Variants in PTPRN2 observed in about 807,000 individuals in gnomAD.
The protein encoded by PTPRN2 is protein tyrosine phosphatase receptor type N2, also known as receptor-type tyrosine-protein phosphatase N2.
PTPRN2 carries 74 observed loss-of-function variants against 118.8 expected under a neutral mutation model. That is an observed-to-expected ratio of 0.62 (90% confidence interval 0.52 to 0.76). The LOEUF (loss-of-function observed/expected upper bound fraction) is 0.76, where lower values mean the gene tolerates loss of function less well. Ranked by LOEUF, PTPRN2 falls within the 30% of genes least tolerant of loss-of-function variation. The probability of loss-of-function intolerance (pLI) is 0.00; values close to 1 mark genes in which losing one functional copy is unlikely to be tolerated. For missense variants in PTPRN2, 1,481 were observed against 1,394.4 expected (o/e 1.06, Z -0.99); for synonymous variants, 641 against 608.0 (o/e 1.05, Z -0.80).
intron 14 of PTPRN2, among the ~76,000 whole-genome samples, chr7:157,633,464 G>A (rs1804093572): frequency 6.6e-6 from 1 of 152,232 alleles, no homozygotes; most frequent in South Asian, 2.1e-4. Flanking sequence ...TTTAGCTGGA[G>A]GGCAGACCAT....
chr7:157,890,033 AATG>A (rs1240864199), intron 12 of PTPRN2, among the ~76,000 whole-genome samples: 1 of 152,136 alleles, frequency 6.6e-6, no homozygotes, highest in African/African-American at 2.4e-5. Flanking sequence ...TTTGATTGTT[AATG>A]ATGAGTTACC....
At chr7:158,136,828 C>T (rs1370258600) in intron 7 of PTPRN2, 133 bp from the exon 8 acceptor site, 7 of 803,474 alleles carry the variant, frequency 8.7e-6, no homozygotes, top group Non-Finnish European at 1.5e-5. Flanking sequence ...CTAAGTCCTG[C>T]CATAGAGTAA....
intron 12 of PTPRN2, among the ~76,000 whole-genome samples, chr7:157,796,845 G>C (rs34085833): frequency 7.2e-5 from 11 of 152,000 alleles, no homozygotes; most frequent in Admixed American, 4.6e-4. Flanking sequence ...AGCAAGGAGA[G>C]GGTGGTGCAA....
intron 12 of PTPRN2, among the ~76,000 whole-genome samples, chr7:157,765,824 A>C (rs1435101362): frequency 7.4e-6 from 1 of 134,260 alleles, no homozygotes; most frequent in Non-Finnish European, 1.6e-5. Context: ...TCCATCATCC[A>C]TTCTTCCTCC....
intron 17 of PTPRN2, among the ~76,000 whole-genome samples, chr7:157,584,083 T>C (rs1021995850): frequency 1.3e-5 from 2 of 152,084 alleles, no homozygotes; most frequent in African/African-American, 4.8e-5. Context: ...GGAGGATCAT[T>C]TGAGCCCAGG....
chr7:158,269,846 G>A (rs531293646), intron 3 of PTPRN2, among the ~76,000 whole-genome samples: 25 of 150,936 alleles, frequency 1.7e-4, no homozygotes, highest in Admixed American at 6.6e-4. Context: ...ATAGGGAGTC[G>A]GAGACACAGA....
intron 5 of PTPRN2, among the ~76,000 whole-genome samples, chr7:158,181,533 T>C (rs1340427268): frequency 6.6e-6 from 1 of 152,188 alleles, no homozygotes; most frequent in African/African-American, 2.4e-5. Flanking sequence ...TTTGAGTGTC[T>C]GGTATAATTC....
intron 12 of PTPRN2, among the ~76,000 whole-genome samples, chr7:157,774,988 T>C (rs999429646): frequency 1.3e-5 from 2 of 152,162 alleles, no homozygotes; most frequent in African/African-American, 4.8e-5. Context: ...AGTGACACAA[T>C]GAAAGCAAAG....
At chr7:158,519,455 G>A (rs181742377) in intron 1 of PTPRN2, among the ~76,000 whole-genome samples, 1 of 152,300 alleles carries the variant, frequency 6.6e-6, no homozygotes, top group East Asian at 1.9e-4. Context: ...TTCCCTGCCC[G>A]ATCTGCAGGT....
intron 11 of PTPRN2, among the ~76,000 whole-genome samples, chr7:157,965,694 C>T (rs1801876933): frequency 6.6e-6 from 1 of 152,188 alleles, no homozygotes; most frequent in Non-Finnish European, 1.5e-5. Flanking sequence ...CATCTTCTTT[C>T]TTCTCTTTCC....
intron 12 of PTPRN2, among the ~76,000 whole-genome samples, chr7:157,844,515 G>A (rs184203518): frequency 6.6e-6 from 1 of 152,206 alleles, no homozygotes; most frequent in Non-Finnish European, 1.5e-5. Context: ...CCAGGTGAGG[G>A]CCAGGAGGAG....
intron 2 of PTPRN2, among the ~76,000 whole-genome samples, chr7:158,345,092 G>A (rs1422084854): frequency 6.6e-6 from 1 of 152,190 alleles, no homozygotes; most frequent in Non-Finnish European, 1.5e-5. Flanking sequence ...ATCTCTGAGG[G>A]TGGACCCTGC....
At chr7:158,314,603 G>A (rs1563123692) in intron 3 of PTPRN2, among the ~76,000 whole-genome samples, 1 of 152,266 alleles carries the variant, frequency 6.6e-6, no homozygotes, top group Non-Finnish European at 1.5e-5. Context: ...GTGGGGAAAG[G>A]GCTCAGGAGT....
chr7:158,273,501 G>GGGAGCCGCAGACAGACATGGGA lies in PTPRN2; in HGVS notation c.277+43296_277+43317dup, dbSNP rs1798671940. 3.0e-5 allele frequency among the ~76,000 whole-genome samples: 4 copies of GGGAGCCGCAGACAGACATGGGA among 132,242 alleles called. 1 individual carries two copies. The highest frequency in any genetic ancestry group is 1.5e-4 in the Admixed American group (2 of 13,714). The allele number at this position is 132,242 out of a possible 152,430, so 86.8% of individuals were successfully genotyped here. ...GCACAGGGGGAGCCGCAGGCACAGG[G>GGGAGCCGCAGACAGACATGGGA]GGAGCCGCAGACAGACATGGGAGGA... On this transcript the variant is annotated intron_variant, in intron 3 of 22. Coordinates refer to ENST00000389418, the MANE Select transcript of PTPRN2 (RefSeq NM_002847.5).
chr7:158,133,609 C>T, intron 9 of PTPRN2, 68 bp downstream of exon 9: 2 of 1,500,490 alleles, frequency 1.3e-6, no homozygotes, highest in South Asian at 1.3e-5. Flanking sequence ...AAGGAGGCGC[C>T]CCACCTCCAG....
intron 6 of PTPRN2, among the ~76,000 whole-genome samples, chr7:158,144,750 C>T (rs1187995734): frequency 1.3e-5 from 2 of 152,186 alleles, no homozygotes; most frequent in African/African-American, 4.8e-5. Flanking sequence ...GAAGAGGCTG[C>T]GGTCTGTGTT....
intron 3 of PTPRN2, among the ~76,000 whole-genome samples, chr7:158,313,038 G>A (rs1013073696): frequency 6.6e-6 from 1 of 151,932 alleles, no homozygotes; most frequent in Non-Finnish European, 1.5e-5. Flanking sequence ...CTACACATGA[G>A]CACGTGAATG....
At chr7:157,655,420 G>A (rs955297693) in intron 14 of PTPRN2, among the ~76,000 whole-genome samples, 1 of 152,164 alleles carries the variant, frequency 6.6e-6, no homozygotes, top group Non-Finnish European at 1.5e-5. Flanking sequence ...ATGGTTTTCT[G>A]GCTTTTTGTG....
chr7:158,166,316 G>A (rs79088410), intron 6 of PTPRN2, among the ~76,000 whole-genome samples: 67 of 20,446 alleles, frequency 3.3e-3, no homozygotes, highest in Non-Finnish European at 4.0e-3. Context: ...CCCCCCGGCC[G>A]CCGCGTTCCC....
Sources: allele counts gnomAD v4.1 joint callset (sites outside exome capture counted in the v4.1 genomes callset), GRCh38; gene constraint gnomAD v4.1.1; transcripts MANE v1.5; gene names NCBI Gene and HGNC (gene_info 2026-07-23, HGNC 2026-07-21).